HUWE1: variants seen among roughly 807,000 people sequenced by gnomAD.
HUWE1 encodes HECT, UBA and WWE domain containing E3 ubiquitin protein ligase 1.
Under a neutral mutation model 299.4 loss-of-function variants are expected in HUWE1, and 18 were observed. The observed-to-expected ratio is 0.06, with a 90% CI of 0.04 to 0.09. HUWE1 has a LOEUF of 0.09. Ranked by LOEUF, HUWE1 falls within the 10% of genes least tolerant of loss-of-function variation. The probability of loss-of-function intolerance (pLI) is 1.00; values close to 1 mark genes in which losing one functional copy is unlikely to be tolerated. For synonymous variants in HUWE1, 1,317 were observed against 1,286.1 expected (o/e 1.02, Z -0.51); for missense variants, 1,832 against 3,462.3 (o/e 0.53, Z 11.82).
chrX:53,613,138 T>A (rs1603095003), intron 23 of HUWE1, among the ~76,000 whole-genome samples: 1 of 111,749 alleles, frequency 8.9e-6, no homozygotes, highest in East Asian at 2.8e-4. Context: ...GGTGTCCTCC[T>A]CTTCTAGAAA....
intron 81 of HUWE1, among the ~76,000 whole-genome samples, chrX:53,535,116 G>T (rs2060964040): frequency 9.0e-6 from 1 of 110,790 alleles, no homozygotes; most frequent in Non-Finnish European, 1.9e-5. Flanking sequence ...TTTTATTTTA[G>T]TAGAGACGGG....
At chrX:53,541,272 G>A (rs1273926522) in intron 74 of HUWE1, among the ~76,000 whole-genome samples, 47 of 112,083 alleles carry the variant, frequency 4.2e-4, no homozygotes, top group Admixed American at 4.1e-3. Context: ...AGCAGTAAAT[G>A]GGGGAGCCAA....
intron 7 of HUWE1, among the ~76,000 whole-genome samples, chrX:53,641,548 T>A (rs975854340): frequency 1.8e-5 from 2 of 111,850 alleles, no homozygotes; most frequent in Admixed American, 9.5e-5. Context: ...CTCTAAAAAA[T>A]TTAGAATCCT....
rs371505984 is a variant in HUWE1, at chrX:53,603,505, C to A, written c.2743-4G>T. 2 of 1,206,516 alleles carry A rather than the reference C, an allele frequency of 1.7e-6. No homozygotes were observed. The highest frequency in any genetic ancestry group is 5.9e-5 in the East Asian group (2 of 33,758). The stretch of plus-strand genomic sequence containing the variant: ...CGGAGATGGAACGAATTTCACTCTG[C>A]AATCATAACAAGAATTTCACCTTTG... On this transcript the variant is annotated splice_region_variant and splice_polypyrimidine_tract_variant and intron_variant, in intron 26 of 83. Coordinates refer to ENST00000262854, the MANE Select transcript of HUWE1 (RefSeq NM_031407.7).
At chrX:53,584,984 T>C (rs782641446) in intron 40 of HUWE1, 28 bp downstream of exon 40, 2 of 1,209,228 alleles carry the variant, frequency 1.7e-6, no homozygotes, top group South Asian at 3.5e-5. Context: ...GTCCACGGGT[T>C]AGACAAGCTT....
chrX:53,646,082 C>T (rs2068018702), intron 6 of HUWE1, among the ~76,000 whole-genome samples: 1 of 110,639 alleles, frequency 9.0e-6, no homozygotes, highest in Non-Finnish European at 1.9e-5. Flanking sequence ...TCGATAACAG[C>T]TCGTGGCAAT....
chrX:53,627,787 T>C lies in HUWE1; in HGVS notation c.1335A>G (p.Ala445=). 2.5e-6 allele frequency: 3 copies of C among 1,202,898 alleles called. No homozygotes were observed. The highest frequency in any genetic ancestry group is 3.4e-6 in the Non-Finnish European group (3 of 887,514). ...AAAGTCCACTATGGGATTGAAAAGC[T>C]GCCATATCCAGGTTGGTGATAAGGT... The part of the protein sequence containing the change: ...VVDLITNLDM[A]AFQSHSGLSI... The change falls in exon 16 of 84, where the codon GCA becomes GCG. Residue 445 remains alanine (A), a synonymous_variant. Coordinates refer to ENST00000262854, the MANE Select transcript of HUWE1 (RefSeq NM_031407.7).
chrX:53,607,732 G>A (rs896971899), intron 24 of HUWE1, 33 bp from the exon 25 acceptor site: 1 of 1,018,623 alleles, frequency 9.8e-7, no homozygotes, highest in Non-Finnish European at 1.4e-6. Flanking sequence ...AGAAGTTAGA[G>A]CCTGACAGGT....
chrX:53,569,491 G>A lies in HUWE1; in HGVS notation c.6524+125C>T. ...TCCAACCGCCAGAACTATTTGAGCG[G>A]ACCAGAGAGTATATGATGCCAGTAT... On this transcript the variant is annotated intron_variant, in intron 48 of 83. Transcript: ENST00000262854. 6 of 620,197 alleles carry A rather than the reference G, an allele frequency of 9.7e-6. No individual in the cohort carries two copies. In the South Asian group the frequency reaches 1.4e-4, roughly 14 times the overall value. 51.1% of individuals were successfully genotyped at this position (620,197 alleles called of 1,213,427 possible).
chrX:53,595,128 A>G (rs1353015160), intron 30 of HUWE1, 59 bp downstream of exon 30: 1 of 1,014,077 alleles, frequency 9.9e-7, no homozygotes, highest in African/African-American at 1.9e-5. Context: ...TAGTATAGGA[A>G]CAACTTACAT....
chrX:53,580,676 C>T (rs147023369), intron 43 of HUWE1, among the ~76,000 whole-genome samples, 155 bp downstream of exon 43: 29 of 112,269 alleles, frequency 2.6e-4, no homozygotes, highest in African/African-American at 8.1e-4. Context: ...TACTGAAGTA[C>T]CTAATAAATT....
At position 53,550,862 on chromosome X, in the gene HUWE1, A is replaced by G. The variant is rs183552293; in HGVS notation, c.9385+39T>C. 67 of 1,206,193 alleles carry G rather than the reference A, an allele frequency of 5.6e-5. No individual in the cohort carries two copies. The East Asian group carries it at 1.9e-3, about 34-fold the overall frequency. ...TAAGAAAACATAGCCTCATCTGGCTAAAGCTTTCCAGAGCCCTCCCACTTG... is the reference window on the plus strand; with the variant it reads ...TAAGAAAACATAGCCTCATCTGGCTGAAGCTTTCCAGAGCCCTCCCACTTG... On this transcript the variant is annotated intron_variant, in intron 65 of 83. Transcript: ENST00000262854.
intron 35 of HUWE1, 48 bp downstream of exon 35, chrX:53,590,356 C>G (rs1556977656): frequency 3.7e-6 from 3 of 817,085 alleles, no homozygotes; most frequent in Admixed American, 2.2e-5. Context: ...TCACAGAATA[C>G]TAAGATTCAT....
At chrX:53,617,237 GAATTTT>G in intron 20 of HUWE1, 90 bp from the exon 21 acceptor site, 1 of 959,774 alleles carries the variant, frequency 1.0e-6, no homozygotes, top group Non-Finnish European at 1.5e-6. Context: ...GAGATAGAAG[GAATTTT>G]GACAACCAGG....
In HUWE1 at chrX:53,559,048, C is replaced by G; in HGVS notation, c.7928G>C (p.Ser2643Thr). The change falls in exon 58 of 84, where the codon AGC (serine) becomes ACC (threonine). Residue 2643 changes from serine to threonine, a missense_variant. Ser to Thr is a moderately conservative substitution (Grantham distance 58). Transcript: ENST00000262854. ...TATSQAGTLS[S>T]IPTALTRWTE... ...CCAGCGGGTCAGGGCTGTGGGGATG[C>G]TGGACAGGGTTCCTGTAGGGACAGC... The G allele has an allele frequency of 8.6e-7, 1 of 1,165,987 alleles. No individual in the cohort carries two copies. The highest frequency in any genetic ancestry group is 1.1e-6 in the Non-Finnish European group (1 of 870,316).
At chrX:53,645,943 CATTAAGTCTCTAACTGG>C (rs1431295284) in intron 6 of HUWE1, among the ~76,000 whole-genome samples, 2 of 108,289 alleles carry the variant, frequency 1.8e-5, no homozygotes, top group African/African-American at 6.7e-5. Flanking sequence ...TCAAGAAGAA[CATTAAGTCTCTAACTGG>C]ACTAAAAGTA....
chrX:53,563,654 G>T, intron 52 of HUWE1, 92 bp downstream of exon 52: 1 of 995,958 alleles, frequency 1.0e-6, no homozygotes, highest in Non-Finnish European at 1.4e-6. Context: ...GAGCCCTTAG[G>T]CAGAGCTGAG....
intron 43 of HUWE1, among the ~76,000 whole-genome samples, chrX:53,577,333 A>C (rs892865884): frequency 1.8e-5 from 2 of 109,427 alleles, no homozygotes; most frequent in Admixed American, 9.7e-5. Context: ...ACAAACCTCA[A>C]TTTTCTCACT....
chrX:53,562,892 C>T lies in HUWE1; in HGVS notation c.7143G>A (p.Val2381=), dbSNP rs1479792534. ...GGTTGGAAGGAGCTTCATCCATCAG[C>T]ACGTCCTCTTGTGATTCATCCTCTC... ...RSGEDESQED[V]LMDEAPSNLS... The change falls in exon 53 of 84, where the codon GTG becomes GTA. Residue 2381 remains valine (V), a synonymous_variant. Coordinates refer to ENST00000262854, the MANE Select transcript of HUWE1 (RefSeq NM_031407.7). 8.3e-7 allele frequency: 1 copy of T among 1,209,661 alleles called. No homozygotes were observed. The highest frequency in any genetic ancestry group is 1.1e-6 in the Non-Finnish European group (1 of 894,786).
Sources: gnomAD v4.1 joint callset for allele counts (sites outside exome capture counted in the v4.1 genomes callset) on GRCh38, gnomAD v4.1.1 for gene constraint, MANE v1.5 for transcripts, NCBI Gene and HGNC (gene_info 2026-07-23, HGNC 2026-07-21) for gene names.